The following CD4 variants were observed in gnomAD, a reference collection of about 807,000 sequenced individuals.
The protein encoded by CD4 is T-cell surface glycoprotein CD4.
Under a neutral mutation model 50.5 loss-of-function variants are expected in CD4, and 25 were observed. That is an observed-to-expected ratio of 0.49 (90% confidence interval 0.36 to 0.69). CD4 has a LOEUF of 0.69. Among genes scored for constraint, CD4 ranks in the 30% least tolerant of loss-of-function variants. The pLI, the probability that CD4 is intolerant of heterozygous loss-of-function variation, is 0.00. For synonymous variants in CD4, 207 were observed against 221.9 expected, an observed-to-expected ratio of 0.93 and a Z score of 0.60; for missense variants, 456 against 548.5, an observed-to-expected ratio of 0.83 and a Z score of 1.68.
At chr12:6,812,771 T>TTTTG (rs1555117199) in intron 3 of CD4, among the ~76,000 whole-genome samples, 5 of 57,560 alleles carry the variant, frequency 8.7e-5, no homozygotes, top group Non-Finnish European at 2.2e-4. Flanking sequence ...AAGGTTATTT[T>TTTTG]TGTGTGTGTG....
At chr12:6,797,974 C>T (rs1013159671) in intron 1 of CD4, among the ~76,000 whole-genome samples, 2 of 151,990 alleles carry the variant, frequency 1.3e-5, no homozygotes, top group Non-Finnish European at 2.9e-5. Context: ...TTACGGGTGT[C>T]GGGCTGGGGG....
At chr12:6,790,086 GAAT>G (rs1425703229) in intron 1 of CD4, among the ~76,000 whole-genome samples, 1 of 151,734 alleles carries the variant, frequency 6.6e-6, no homozygotes, top group African/African-American at 2.4e-5. Flanking sequence ...AAATTAGAAA[GAAT>G]AAATAAATAT....
At position 6,819,579 on chromosome 12, in the gene CD4, A is replaced by C; in HGVS notation, c.*250A>C. 1 of 558,102 alleles carries C rather than the reference A, an allele frequency of 1.8e-6. No homozygotes were observed. The highest frequency in any genetic ancestry group is 3.1e-5 in the Admixed American group (1 of 32,090). 34.6% of individuals were successfully genotyped at this position (558,102 alleles called of 1,614,324 possible). ...TTCCTTCAAGCCTAGCCCTTCTCTC[A>C]TTATTTCTCTCTGACCCTCTCCCCA... On this transcript the variant is annotated 3_prime_UTR_variant, in exon 10 of 10. Coordinates refer to ENST00000011653, the MANE Select transcript of CD4 (RefSeq NM_000616.5).
In CD4 at chr12:6,817,186, C is replaced by T. The variant is rs782550310; in HGVS notation, c.1012C>T (p.Leu338=). The change falls in exon 7 of 10, where the codon CTG becomes TTG. Residue 338 remains leucine, a synonymous_variant. Transcript: ENST00000011653. ...GGTGTGGGGACCCACCTCCCCTAAG[C>T]TGATGCTGAGTTTGAAACTGGAGAA... ...CEVWGPTSPK[L]MLSLKLENKE... is the part of the protein sequence containing the mutation. 6.2e-7 allele frequency: 1 copy of T among 1,614,090 alleles called. No individual in the cohort carries two copies.
intron 1 of CD4, among the ~76,000 whole-genome samples, chr12:6,791,875 G>A (rs1942173084): frequency 6.6e-6 from 1 of 152,174 alleles, no homozygotes; most frequent in African/African-American, 2.4e-5. Flanking sequence ...GTGAGGCCCT[G>A]TCTCAAAATA....
intron 6 of CD4, 72 bp from the exon 7 acceptor site, chr12:6,817,058 C>A: frequency 1.5e-6 from 2 of 1,334,464 alleles, no homozygotes; most frequent in Non-Finnish European, 2.1e-6. Flanking sequence ...AGAAGGTCAC[C>A]CATATAGAGT....
intron 3 of CD4, among the ~76,000 whole-genome samples, chr12:6,809,890 CT>C (rs33952514): frequency 0.014 from 1,753 of 125,938 alleles, 15 homozygotes; most frequent in Middle Eastern, 0.048. Flanking sequence ...GCCTATACCT[CT>C]TTTTTTTTTT....
intron 1 of CD4, chr12:6,798,781 TGG>T (rs1942453664): frequency 6.6e-6 from 1 of 152,334 alleles, no homozygotes; most frequent in Non-Finnish European, 1.5e-5. Context: ...CTGACCAGGA[TGG>T]TTGCAGTTCT....
intron 5 of CD4, 49 bp downstream of exon 5, chr12:6,815,041 A>G: frequency 7.8e-7 from 1 of 1,274,028 alleles, no homozygotes; most frequent in South Asian, 1.2e-5. Context: ...CCAGGGGCTG[A>G]CAGCCCCTCC....
chr12:6,800,489 C>T lies in CD4; in HGVS notation c.214+18C>T. On this transcript the variant is annotated intron_variant, in intron 3 of 9. Coordinates refer to ENST00000011653, the MANE Select transcript of CD4 (RefSeq NM_000616.5). ...AACTAAAGGTAGGGTTGCCTGGCTC[C>T]CCATCCAGGGAGGAAAACACACTAT... 1 of 1,605,382 alleles carries T rather than the reference C, an allele frequency of 6.2e-7. No individual in the cohort carries two copies. Among genetic ancestry groups the T allele is most frequent in the Non-Finnish European group, 8.5e-7 (1 of 1,175,782 alleles).
rs1555117937 is a variant in CD4, at chr12:6,816,316, CAGTA to C, written c.869_872del (p.Gln290LeufsTer22). 1 of 1,614,200 alleles carries C rather than the reference CAGTA, an allele frequency of 6.2e-7. No individual in the cohort carries two copies. Among genetic ancestry groups the C allele is most frequent in the South Asian group, 1.1e-5 (1 of 91,088 alleles). ...CCTCACCCTGCCCCAGGCCTTGCCTCAGTATGCTGGCTCTGGAAACCTCACCCTG... is the reference window on the plus strand; with the variant it reads ...CCTCACCCTGCCCCAGGCCTTGCCTCTGCTGGCTCTGGAAACCTCACCCTG... On this transcript the variant is annotated frameshift_variant, in exon 6 of 10. Coordinates refer to ENST00000011653, the MANE Select transcript of CD4 (RefSeq NM_000616.5). LOFTEE classifies it high-confidence loss of function. This position sits in a 1 kb window ranked among gnomAD's most constrained non-coding sequence, Gnocchi z 4.9.
chr12:6,806,649 T>C (rs1942769625), intron 3 of CD4, among the ~76,000 whole-genome samples: 1 of 152,200 alleles, frequency 6.6e-6, no homozygotes, highest in Non-Finnish European at 1.5e-5. Context: ...GACATACAGT[T>C]GGCAAATAAG....
At chr12:6,814,060 G>C (rs1943016850) in intron 3 of CD4, 82 bp from the exon 4 acceptor site, 1 of 1,226,092 alleles carries the variant, frequency 8.2e-7, no homozygotes. Context: ...ACTGATATCA[G>C]AAGAGCCGTG....
chr12:6,806,650 G>C (rs1296536410), intron 3 of CD4, among the ~76,000 whole-genome samples: 2 of 152,100 alleles, frequency 1.3e-5, no homozygotes, highest in African/African-American at 2.4e-5. Flanking sequence ...ACATACAGTT[G>C]GCAAATAAGC....
Position 6,792,594 on chromosome 12 carries a change from C to T in CD4, c.-68+2932C>T, listed in dbSNP as rs547421045. Among the ~76,000 whole-genome samples, 117 of 152,270 alleles carry T rather than the reference C, an allele frequency of 7.7e-4. 2 individuals carry two copies. The highest frequency in any genetic ancestry group is 2.1e-3 in the South Asian group (10 of 4,824). ...ATTCTGGGGAACTCTGTCCATTTCCCTTTGTCCATGTGTCCCTCCCACCCT... is the reference window on the plus strand; with the variant it reads ...ATTCTGGGGAACTCTGTCCATTTCCTTTTGTCCATGTGTCCCTCCCACCCT... On this transcript the variant is annotated intron_variant, in intron 1 of 9. Transcript: ENST00000011653. This position sits in a 1 kb window ranked among gnomAD's most constrained non-coding sequence, Gnocchi z 4.1.
At position 6,816,141 on chromosome 12, in the gene CD4, G is replaced by A; in HGVS notation, c.693G>A (p.Lys231=). 1.2e-6 allele frequency: 2 copies of A among 1,614,220 alleles called. No individual in the cohort carries two copies. The highest frequency in any genetic ancestry group is 1.7e-6 in the Non-Finnish European group (2 of 1,180,036). ...FSFPLAFTVE[K]LTGSGELWWQ... ...TCCCACTCGCCTTTACAGTTGAAAAGCTGACGGGCAGTGGCGAGCTGTGGT... is the reference window on the plus strand; with the variant it reads ...TCCCACTCGCCTTTACAGTTGAAAAACTGACGGGCAGTGGCGAGCTGTGGT... The change falls in exon 6 of 10, where the codon AAG becomes AAA. Residue 231 remains lysine, a synonymous_variant. Coordinates refer to ENST00000011653, the MANE Select transcript of CD4 (RefSeq NM_000616.5). This position sits in a 1 kb window ranked among gnomAD's most constrained non-coding sequence, Gnocchi z 4.9.
chr12:6,807,345 T>G (rs11837629), intron 3 of CD4, among the ~76,000 whole-genome samples: 18,815 of 152,080 alleles, frequency 0.12, 2,242 homozygotes, highest in African/African-American at 0.31. Context: ...CTTCAACTGG[T>G]GAATGATTAC....
chr12:6,817,729 T>G (rs952378913), intron 7 of CD4, among the ~76,000 whole-genome samples: 1 of 133,602 alleles, frequency 7.5e-6, no homozygotes, highest in Non-Finnish European at 1.6e-5. Context: ...CGCACACACA[T>G]CACTCACACA....
At chr12:6,805,591 T>C (rs1392749875) in intron 3 of CD4, among the ~76,000 whole-genome samples, 1 of 150,422 alleles carries the variant, frequency 6.6e-6, no homozygotes, top group Non-Finnish European at 1.5e-5. Context: ...AAAGAAAGCA[T>C]TGAATTGTAT....
Sources: allele counts gnomAD v4.1 joint callset (sites outside exome capture counted in the v4.1 genomes callset), GRCh38; gene constraint gnomAD v4.1.1; non-coding constraint Gnocchi (gnomAD v3.1); transcripts MANE v1.5; gene names NCBI Gene and HGNC (gene_info 2026-07-23, HGNC 2026-07-21).